PRAG1: variants seen among roughly 807,000 people sequenced by gnomAD.
The protein encoded by PRAG1 is inactive tyrosine-protein kinase PRAG1.
A neutral mutation model predicts 95.6 loss-of-function variants in PRAG1; 110 were observed. That is an observed-to-expected ratio of 1.15 (90% confidence interval 0.99 to 1.35). The LOEUF (loss-of-function observed/expected upper bound fraction) is 1.35, where lower values mean the gene tolerates loss of function less well. PRAG1 is among the 40% of genes most tolerant of loss of function. The pLI is 0.00. For missense variants in PRAG1, 2,554 were observed against 1,864.7 expected, an observed-to-expected ratio of 1.37 and a Z score of -6.81; for synonymous variants, 1,052 against 819.4, an observed-to-expected ratio of 1.28 and a Z score of -4.85.
chr8:8,378,096 G>A lies in PRAG1; in HGVS notation c.331-18C>T, dbSNP rs76017216. 11,689 of 1,513,112 alleles carry A rather than the reference G, an allele frequency of 7.7e-3. 63 individuals carry two copies. The highest frequency in any genetic ancestry group is 9.4e-3 in the Non-Finnish European group (10,693 of 1,135,134). The allele number at this position is 1,513,112 out of a possible 1,614,324, so 93.7% of individuals were successfully genotyped here. ...CAGATGACCTACACACAAGCCCAAC[G>A]CAAAAAGACTTATATTAGAACTTGT... On this transcript the variant is annotated intron_variant, in intron 2 of 5. Coordinates refer to ENST00000615670, the MANE Select transcript of PRAG1 (RefSeq NM_001080826.3).
At chr8:8,335,433 A>G (rs745865798) in intron 4 of PRAG1, among the ~76,000 whole-genome samples, 2 of 152,248 alleles carry the variant, frequency 1.3e-5, no homozygotes, top group African/African-American at 2.4e-5. Flanking sequence ...ACATATGGAT[A>G]CACATTTTTG....
Position 8,376,799 on chromosome 8 carries a change from T to A in PRAG1, c.1610A>T (p.Lys537Met). The change falls in exon 3 of 6, where the codon AAG (lysine) becomes ATG (methionine). Residue 537 changes from lysine to methionine, a missense_variant. Transcript: ENST00000615670. ...GGGAATGGCGGGCCTCTCCTTGGGC[T>A]TGCTCTCGCTGGCACTGTGAGCATG... Reference protein sequence around the residue: ...ESHAHSASESKPKERPAIPPK... With the variant: ...ESHAHSASESMPKERPAIPPK... 1 of 1,611,442 alleles carries A rather than the reference T, an allele frequency of 6.2e-7. No homozygotes were observed. Among genetic ancestry groups the A allele is most frequent in the East Asian group, 2.2e-5 (1 of 44,880 alleles).
intron 5 of PRAG1, among the ~76,000 whole-genome samples, chr8:8,324,207 A>G (rs1798561054): frequency 6.6e-6 from 1 of 152,194 alleles, no homozygotes; most frequent in African/African-American, 2.4e-5. Flanking sequence ...CGAAGAGCAC[A>G]GCTGCCCAGG....
At chr8:8,332,169 T>G (rs556069120) in intron 4 of PRAG1, among the ~76,000 whole-genome samples, 6 of 141,576 alleles carry the variant, frequency 4.2e-5, no homozygotes, top group Non-Finnish European at 9.1e-5. Flanking sequence ...TACGATTTTT[T>G]TTTTTTTTTT....
chr8:8,360,792 G>C (rs1799820194), intron 3 of PRAG1, among the ~76,000 whole-genome samples: 1 of 151,872 alleles, frequency 6.6e-6, no homozygotes, highest in Non-Finnish European at 1.5e-5. Context: ...AAAGATTTTG[G>C]GTTCAGGGTG....
At chr8:8,365,934 C>T (rs973599937) in intron 3 of PRAG1, among the ~76,000 whole-genome samples, 6 of 151,980 alleles carry the variant, frequency 3.9e-5, no homozygotes, top group African/African-American at 9.7e-5. Context: ...GAGCTGAGAT[C>T]GTGCTTGCAC....
At chr8:8,374,761 T>C (rs1800323724) in intron 3 of PRAG1, 2 of 947,578 alleles carry the variant, frequency 2.1e-6, no homozygotes, top group South Asian at 9.8e-5. Flanking sequence ...GCCAGTGCAA[T>C]ACCAGAACAA....
intron 5 of PRAG1, among the ~76,000 whole-genome samples, chr8:8,322,918 C>T (rs1240876071): frequency 6.6e-6 from 1 of 152,112 alleles, no homozygotes; most frequent in Non-Finnish European, 1.5e-5. Context: ...TGTGGCCTGA[C>T]CACTTTGGGA....
chr8:8,374,900 G>C (rs1474181193), intron 3 of PRAG1, among the ~76,000 whole-genome samples: 1 of 152,056 alleles, frequency 6.6e-6, no homozygotes, highest in Admixed American at 6.6e-5. Flanking sequence ...TCAGCCCAGA[G>C]GCACATCAGC....
Position 8,381,539 on chromosome 8 carries a change from T to C in PRAG1, c.209A>G (p.Glu70Gly), listed in dbSNP as rs1800668626. The change falls in exon 2 of 6, where the codon GAA (glutamate) becomes GGA (glycine). Residue 70 changes from glutamate (E) to glycine (G), a missense_variant. Coordinates refer to ENST00000615670, the MANE Select transcript of PRAG1 (RefSeq NM_001080826.3). ...AGGTGAGCTGTTCACACCTTCATCTTCCAGGCGGCAGTTCTCAGGCCTGGG... is the reference window on the plus strand; with the variant it reads ...AGGTGAGCTGTTCACACCTTCATCTCCCAGGCGGCAGTTCTCAGGCCTGGG... Reference protein sequence around the residue: ...LPPRPENCRLEDEGVNSSPYS... With the variant: ...LPPRPENCRLGDEGVNSSPYS... 2 of 1,614,078 alleles carry C rather than the reference T, an allele frequency of 1.2e-6. No homozygotes were observed. The highest frequency in any genetic ancestry group is 1.7e-6 in the Non-Finnish European group (2 of 1,180,026).
chr8:8,319,465 T>C (rs1409602912), intron 5 of PRAG1, among the ~76,000 whole-genome samples, 163 bp from the exon 6 acceptor site: 1 of 152,124 alleles, frequency 6.6e-6, no homozygotes, highest in African/African-American at 2.4e-5. Context: ...GACAGAATCT[T>C]TGAGGCCTTG....
rs1216017395 is a variant in PRAG1, at chr8:8,318,605, G to A, written c.3770C>T (p.Thr1257Ile). The change falls in exon 6 of 6, where the codon ACA becomes ATA. Residue 1257 changes from threonine to isoleucine, a missense_variant. By Grantham distance (89) the Thr-to-Ile change is moderately conservative (BLOSUM62 -1). Coordinates refer to ENST00000615670, the MANE Select transcript of PRAG1 (RefSeq NM_001080826.3). This position sits in a 1 kb window ranked among gnomAD's most constrained non-coding sequence, Gnocchi z 4.2. ...CAGCAGCTCGTAGATGAGGATGCCT[G>A]TCTGGAACTCATCGAACTTGCGGTA... Reference protein sequence around the residue: ...SQYRKFDEFQTGILIYELLHQ... With the variant: ...SQYRKFDEFQIGILIYELLHQ... 1 of 1,613,324 alleles carries A rather than the reference G, an allele frequency of 6.2e-7. No homozygotes were observed. The highest frequency in any genetic ancestry group is 1.7e-5 in the Admixed American group (1 of 60,002).
At chr8:8,362,639 C>T (rs1051802603) in intron 3 of PRAG1, among the ~76,000 whole-genome samples, 5 of 152,168 alleles carry the variant, frequency 3.3e-5, no homozygotes, top group South Asian at 2.1e-4. Flanking sequence ...GCTTATTCCT[C>T]GGTGCCACAA....
intron 3 of PRAG1, among the ~76,000 whole-genome samples, chr8:8,357,717 T>G (rs1336419512): frequency 6.6e-6 from 1 of 152,152 alleles, no homozygotes; most frequent in Non-Finnish European, 1.5e-5. Flanking sequence ...GAAAACAGGG[T>G]CTCTAACAGA....
chr8:8,374,952 G>A (rs1168020088), intron 3 of PRAG1, among the ~76,000 whole-genome samples: 1 of 152,060 alleles, frequency 6.6e-6, no homozygotes, highest in African/African-American at 2.4e-5. Context: ...GAGAAAGTCT[G>A]TTCAGAAACG....
At chr8:8,384,765 A>G (rs891631567) in intron 1 of PRAG1, among the ~76,000 whole-genome samples, 2 of 152,198 alleles carry the variant, frequency 1.3e-5, no homozygotes, top group African/African-American at 4.8e-5. Flanking sequence ...AGCTCTCCAC[A>G]GCATGGGGAA....
Position 8,381,738 on chromosome 8 carries a change from T to C in PRAG1, c.10A>G (p.Thr4Ala). 1.9e-6 allele frequency: 3 copies of C among 1,585,166 alleles called. No homozygotes were observed. The highest frequency in any genetic ancestry group is 2.6e-6 in the Non-Finnish European group (3 of 1,161,720). Residue 4 changes from threonine (T) to alanine (A), a missense_variant, in exon 2 of 6, where the codon ACC becomes GCC. Transcript: ENST00000615670. MHQ[T>A]LCLNPESLKM... ...AGGCTCTCGGGGTTCAGGCAGAGGG[T>C]CTGGTGCATCTTGAGCCGACAGGGT... is the stretch of plus-strand genomic sequence containing the variant.
chr8:8,369,046 T>C (rs566757576), intron 3 of PRAG1, among the ~76,000 whole-genome samples: 1 of 152,304 alleles, frequency 6.6e-6, no homozygotes, highest in Admixed American at 6.5e-5. Flanking sequence ...CCTTGAATCA[T>C]TAATAATGAT....
rs148597703 is a variant in PRAG1 at position 8,366,712 on chromosome 8, C to T, written c.2162+9535G>A. ...CTTTTTTTTTGAGACAAGATCTGAC[C>T]TTGTCACCCAGGATGGAGTGCAGTG... On this transcript the variant is annotated intron_variant, in intron 3 of 5. Coordinates refer to ENST00000615670, the MANE Select transcript of PRAG1 (RefSeq NM_001080826.3). Among the ~76,000 whole-genome samples, 70 of 152,100 alleles carry T rather than the reference C, an allele frequency of 4.6e-4. 1 individual carries two copies. The East Asian group carries it at 0.012, about 25-fold the overall frequency.
Sources: allele counts gnomAD v4.1 joint callset (sites outside exome capture counted in the v4.1 genomes callset), GRCh38; gene constraint gnomAD v4.1.1; non-coding constraint Gnocchi (gnomAD v3.1); transcripts MANE v1.5; gene names NCBI Gene and HGNC (gene_info 2026-07-23, HGNC 2026-07-21).